Variants in EDIL3 observed in about 807,000 individuals in gnomAD.
EDIL3 encodes EGF-like repeat and discoidin I-like domain-containing protein 3.
Under a neutral mutation model 67.4 loss-of-function variants are expected in EDIL3, and 37 were observed. That is an observed-to-expected ratio of 0.55 (90% CI 0.42 to 0.72). The LOEUF is 0.72. Among genes scored for constraint, EDIL3 ranks in the 30% least tolerant of loss-of-function variants. The pLI, the probability that EDIL3 is intolerant of heterozygous loss-of-function variation, is 0.00. For synonymous variants in EDIL3, 195 were observed against 196.3 expected (o/e 0.99, Z 0.05); for missense variants, 527 against 586.3 (o/e 0.90, Z 1.04).
intron 6 of EDIL3, among the ~76,000 whole-genome samples, chr5:84,099,897 AT>A (rs1747331201): frequency 6.6e-6 from 1 of 152,008 alleles, no homozygotes; most frequent in Non-Finnish European, 1.5e-5. Flanking sequence ...AAAAAAACCC[AT>A]CAAAAAGTGG....
At chr5:84,031,202 T>C (rs914220224) in intron 9 of EDIL3, among the ~76,000 whole-genome samples, 10 of 152,138 alleles carry the variant, frequency 6.6e-5, no homozygotes, top group African/African-American at 2.2e-4. Flanking sequence ...TCTGAGATAG[T>C]TGGGGTTAGG....
At chr5:84,148,557 A>G (rs918712701) in intron 4 of EDIL3, among the ~76,000 whole-genome samples, 4 of 152,190 alleles carry the variant, frequency 2.6e-5, no homozygotes, top group Non-Finnish European at 5.9e-5. Flanking sequence ...GGGGTTGGTA[A>G]ATACAGAAAA....
chr5:84,319,494 C>CAAAAAAAAAAAAAAAAAAAAAAA (rs55738450), intron 1 of EDIL3, among the ~76,000 whole-genome samples: 16 of 42,836 alleles, frequency 3.7e-4, no homozygotes, highest in Non-Finnish European at 6.5e-4. Context: ...CAAAAAACAA[C>CAAAAAAAAAAAAAAAAAAAAAAA]AAAAAAAAAA....
At chr5:84,140,471 C>T (rs1162733333) in intron 4 of EDIL3, among the ~76,000 whole-genome samples, 3 of 152,116 alleles carry the variant, frequency 2.0e-5, no homozygotes, top group African/African-American at 7.2e-5. Context: ...CTAATTGAGA[C>T]AAATCAACCT....
At chr5:84,255,433 T>G (rs1745107624) in intron 1 of EDIL3, among the ~76,000 whole-genome samples, 1 of 152,126 alleles carries the variant, frequency 6.6e-6, no homozygotes, top group Admixed American at 6.6e-5. Flanking sequence ...AAAAGCAGGC[T>G]TCAGACAGAA....
chr5:84,027,959 G>C (rs1229752522), intron 9 of EDIL3, among the ~76,000 whole-genome samples: 1 of 152,038 alleles, frequency 6.6e-6, no homozygotes, highest in Non-Finnish European at 1.5e-5. Flanking sequence ...TTCCTGAACT[G>C]TGGACAACAC....
intron 1 of EDIL3, among the ~76,000 whole-genome samples, chr5:84,259,148 A>T (rs1453944823): frequency 6.6e-6 from 1 of 151,806 alleles, no homozygotes; most frequent in Non-Finnish European, 1.5e-5. Context: ...TTTAGTAGAG[A>T]CAGGGTTTCA....
At chr5:84,108,415 A>C (rs1170922284) in intron 5 of EDIL3, among the ~76,000 whole-genome samples, 1 of 152,138 alleles carries the variant, frequency 6.6e-6, no homozygotes, top group African/African-American at 2.4e-5. Context: ...AATTTAGATA[A>C]TAAGATCTTT....
chr5:84,079,474 G>C (rs1746924235), intron 6 of EDIL3, among the ~76,000 whole-genome samples: 1 of 152,066 alleles, frequency 6.6e-6, no homozygotes, highest in South Asian at 2.1e-4. Context: ...AGTGTCCACT[G>C]AATAACTGGT....
At chr5:84,383,499 C>T (rs890187467) in intron 1 of EDIL3, among the ~76,000 whole-genome samples, 17 of 152,098 alleles carry the variant, frequency 1.1e-4, no homozygotes, top group African/African-American at 4.1e-4. Flanking sequence ...TTTATTTTTT[C>T]GTGCAATTCA....
At chr5:84,081,912 C>T (rs1240967593) in intron 6 of EDIL3, among the ~76,000 whole-genome samples, 2 of 152,214 alleles carry the variant, frequency 1.3e-5, no homozygotes, top group African/African-American at 4.8e-5. Context: ...GAATGCTCTC[C>T]TTGGCATTTG....
intron 3 of EDIL3, among the ~76,000 whole-genome samples, chr5:84,216,157 T>C (rs1744220976): frequency 6.6e-6 from 1 of 152,174 alleles, no homozygotes; most frequent in Non-Finnish European, 1.5e-5. Flanking sequence ...TAGACCTTAA[T>C]GATTTTGGTT....
At chr5:84,131,737 T>C (rs148931546) in intron 5 of EDIL3, among the ~76,000 whole-genome samples, 158 of 152,276 alleles carry the variant, frequency 1.0e-3, no homozygotes, top group Middle Eastern at 3.4e-3. Context: ...ATACATGAAC[T>C]GGTGAAAAGA....
In EDIL3 at chr5:84,100,397, A is replaced by C. The variant is rs534087865; in HGVS notation, c.651+6252T>G. 8.5e-5 allele frequency among the ~76,000 whole-genome samples: 13 copies of C among 152,314 alleles called. No individual in the cohort carries two copies. The East Asian group carries it at 2.5e-3, about 29-fold the overall frequency. On this transcript the variant is annotated intron_variant, in intron 6 of 10. Coordinates refer to ENST00000296591, the MANE Select transcript of EDIL3 (RefSeq NM_005711.5). ...CACCATGGAATACTATGCAGCCACA[A>C]AGAAGGATGAGTTCACATCCTTGGC...
chr5:84,285,185 T>G (rs1340786313), intron 1 of EDIL3, among the ~76,000 whole-genome samples: 1 of 152,208 alleles, frequency 6.6e-6, no homozygotes, highest in Non-Finnish European at 1.5e-5. Context: ...AACACTTACA[T>G]AACCTGAATT....
chr5:84,199,628 C>T (rs1743789585), intron 3 of EDIL3, among the ~76,000 whole-genome samples: 1 of 151,996 alleles, frequency 6.6e-6, no homozygotes, highest in Admixed American at 6.6e-5. Context: ...TTCTTTTACC[C>T]TGGATTTTAA....
intron 6 of EDIL3, among the ~76,000 whole-genome samples, chr5:84,102,501 G>C (rs1200193344): frequency 6.6e-6 from 1 of 151,756 alleles, no homozygotes; most frequent in Non-Finnish European, 1.5e-5. Context: ...CTTCAGCAAA[G>C]TCTCAAGGTA....
At chr5:84,011,226 C>T (rs1325848356) in intron 9 of EDIL3, among the ~76,000 whole-genome samples, 1 of 152,126 alleles carries the variant, frequency 6.6e-6, no homozygotes, top group Non-Finnish European at 1.5e-5. Flanking sequence ...CCACAGGATC[C>T]TAGACCTGCT....
chr5:83,998,770 G>T (rs570154220), intron 9 of EDIL3, among the ~76,000 whole-genome samples: 1 of 152,174 alleles, frequency 6.6e-6, no homozygotes, highest in East Asian at 1.9e-4. Flanking sequence ...AGAGCCCTTG[G>T]TCCTTGAATA....
Sources: allele counts gnomAD v4.1 joint callset (sites outside exome capture counted in the v4.1 genomes callset), GRCh38; gene constraint gnomAD v4.1.1; transcripts MANE v1.5; gene names NCBI Gene and HGNC (gene_info 2026-07-23, HGNC 2026-07-21).